The following ICE2 variants were observed in gnomAD, a reference collection of about 807,000 sequenced individuals.
The protein encoded by ICE2 is interactor of little elongation complex ELL subunit 2, also known as little elongation complex subunit 2.
In ICE2, 87 loss-of-function variants were observed where a neutral mutation model predicts 105.4. That is an observed-to-expected ratio of 0.83 (90% confidence interval 0.69 to 0.99). ICE2 has a LOEUF of 0.99. Ranked by LOEUF, ICE2 falls within the 50% of genes least tolerant of loss-of-function variation. The pLI, the probability that ICE2 is intolerant of heterozygous loss-of-function variation, is 0.00. For synonymous variants in ICE2, 399 were observed against 392.0 expected, an observed-to-expected ratio of 1.02 and a Z score of -0.21; for missense variants, 1,323 against 1,146.7, an observed-to-expected ratio of 1.15 and a Z score of -2.22.
intron 11 of ICE2, among the ~76,000 whole-genome samples, chr15:60,446,834 G>C (rs2063832861): frequency 6.6e-6 from 1 of 152,166 alleles, no homozygotes; most frequent in South Asian, 2.1e-4. Context: ...TTATTGGGCA[G>C]TGGGTTAGAT....
At chr15:60,424,640 C>T (rs1308398026) in intron 15 of ICE2, among the ~76,000 whole-genome samples, 1 of 152,152 alleles carries the variant, frequency 6.6e-6, no homozygotes, top group East Asian at 1.9e-4. Context: ...TCCTGAGCAG[C>T]TGGGATTACA....
intron 5 of ICE2, among the ~76,000 whole-genome samples, chr15:60,457,732 T>C (rs1222173754): frequency 6.6e-6 from 1 of 152,192 alleles, no homozygotes; most frequent in Non-Finnish European, 1.5e-5. Flanking sequence ...TCTTCATCTA[T>C]GCTTTTCATG....
Position 60,448,869 on chromosome 15 carries a change from C to T in ICE2, c.2098G>A (p.Ala700Thr), listed in dbSNP as rs1351382490. Residue 700 changes from alanine to threonine, a missense_variant, in exon 10 of 16, where the codon GCA becomes ACA. Ala to Thr is a moderately conservative substitution (Grantham distance 58). Transcript: ENST00000261520. ...SSWPKSGWPS[A>T]FQKPKGRLPY... ...TTACGTCCTTTTGGCTTCTGAAATG[C>T]AGAAGGCCATCCAGATTTCGGCCAA... 52 of 1,592,976 alleles carry T rather than the reference C, an allele frequency of 3.3e-5. No homozygotes were observed. The highest frequency in any genetic ancestry group is 4.3e-5 in the Non-Finnish European group (51 of 1,172,864).
At chr15:60,443,119 C>G (rs1405131169) in intron 11 of ICE2, 1 of 152,222 alleles carries the variant, frequency 6.6e-6, no homozygotes, top group Non-Finnish European at 1.5e-5. Flanking sequence ...CACGAAGTAT[C>G]TGACAAATTA....
intron 11 of ICE2, among the ~76,000 whole-genome samples, chr15:60,444,912 T>G (rs1298746140): frequency 6.6e-6 from 1 of 152,160 alleles, no homozygotes; most frequent in Non-Finnish European, 1.5e-5. Flanking sequence ...CTCGAACTCC[T>G]GAGCTCAGCT....
chr15:60,462,042 C>T (rs1567001024), intron 5 of ICE2, among the ~76,000 whole-genome samples: 1 of 151,676 alleles, frequency 6.6e-6, no homozygotes, highest in African/African-American at 2.4e-5. Context: ...AGAAAAGACA[C>T]CAACATTGGA....
intron 6 of ICE2, 53 bp from the exon 7 acceptor site, chr15:60,455,495 T>G (rs2064082767): frequency 8.8e-7 from 1 of 1,134,930 alleles, no homozygotes; most frequent in Non-Finnish European, 1.3e-6. Context: ...GTATTTTTTC[T>G]AAGAAAAGTA....
At chr15:60,469,596 C>T (rs1300630697) in intron 3 of ICE2, among the ~76,000 whole-genome samples, 2 of 152,194 alleles carry the variant, frequency 1.3e-5, no homozygotes, top group Non-Finnish European at 2.9e-5. Context: ...GGATTGGTGT[C>T]ACCTTTGTTA....
chr15:60,462,207 A>T (rs1168785205), intron 5 of ICE2, among the ~76,000 whole-genome samples: 1 of 152,234 alleles, frequency 6.6e-6, no homozygotes, highest in Admixed American at 6.5e-5. Flanking sequence ...TAAATGATGC[A>T]ATCAGAATAT....
chr15:60,431,945 CT>C lies in ICE2; in HGVS notation c.2549del (p.Lys850ArgfsTer3). 7.3e-7 allele frequency: 1 copy of C among 1,378,596 alleles called. No individual in the cohort carries two copies. Among genetic ancestry groups the C allele is most frequent in the Non-Finnish European group, 1.0e-6 (1 of 985,848 alleles). The allele number at this position is 1,378,596 out of a possible 1,614,324, so 85.4% of individuals were successfully genotyped here. ...NLFNILQHIL[K>X]KLSSLQEGSY... ...TAAAAAATACTTACCTACTTAGTTT[CT>C]TTAGAATGTGTTGGAGGATGTTAAA... is the stretch of plus-strand genomic sequence containing the variant. On this transcript the variant is annotated frameshift_variant, in exon 14 of 16. Coordinates refer to ENST00000261520, the MANE Select transcript of ICE2 (RefSeq NM_024611.6). LOFTEE classifies it high-confidence loss of function.
At position 60,419,644 on chromosome 15, in the gene ICE2, C is replaced by G. The variant is rs984413499; in HGVS notation, c.*3990G>C. 1 of 152,148 alleles carries G rather than the reference C, an allele frequency of 6.6e-6. No individual in the cohort carries two copies. Among genetic ancestry groups the G allele is most frequent in the African/African-American group, 2.4e-5 (1 of 41,422 alleles). 9.4% of individuals were successfully genotyped at this position (152,148 alleles called of 1,614,324 possible). ...AAATGGATCCCCTTTATTTCTACAT[C>G]TCAACAAGAAACTCAATAAATCTTA... is the stretch of plus-strand genomic sequence containing the variant. On this transcript the variant is annotated 3_prime_UTR_variant, in exon 16 of 16. Coordinates refer to ENST00000261520, the MANE Select transcript of ICE2 (RefSeq NM_024611.6).
intron 14 of ICE2, among the ~76,000 whole-genome samples, chr15:60,429,927 G>A (rs1472275651): frequency 6.6e-6 from 1 of 152,096 alleles, no homozygotes; most frequent in Non-Finnish European, 1.5e-5. Context: ...TTTAATTCAT[G>A]GAGAATGAGA....
At chr15:60,462,820 A>G (rs2064316678) in intron 5 of ICE2, among the ~76,000 whole-genome samples, 1 of 152,186 alleles carries the variant, frequency 6.6e-6, no homozygotes, top group African/African-American at 2.4e-5. Context: ...ATGTAAATTG[A>G]TATAACCTGG....
chr15:60,427,903 G>A (rs2063372360), intron 15 of ICE2, among the ~76,000 whole-genome samples: 1 of 152,164 alleles, frequency 6.6e-6, no homozygotes. Context: ...TAAATACTGA[G>A]TTACATAATA....
rs1353777271 is a variant in ICE2 at position 60,449,171 on chromosome 15, A to T, written c.1796T>A (p.Leu599Ter). The change falls in exon 10 of 16, where the codon TTA becomes TAA. Residue 599 changes from leucine (L) to a stop codon, truncating the protein, a stop_gained. Coordinates refer to ENST00000261520, the MANE Select transcript of ICE2 (RefSeq NM_024611.6). LOFTEE classifies it high-confidence loss of function. ...ATTTGGACTAGCTGGTCTGGAACTTAAGTTAGAACCCACAACAGCTGTCTT... is the reference window on the plus strand; with the variant it reads ...ATTTGGACTAGCTGGTCTGGAACTTTAGTTAGAACCCACAACAGCTGTCTT... ...DGKTAVVGSN[L>*]SSRPASPNSS... The T allele has an allele frequency of 6.2e-7, 1 of 1,614,000 alleles. No homozygotes were observed. Among genetic ancestry groups the T allele is most frequent in the Non-Finnish European group, 8.5e-7 (1 of 1,179,964 alleles).
In ICE2 at chr15:60,431,917, G is replaced by C; in HGVS notation, c.2561+17C>G. ...AAAATCAGATGTATCAAAGCAAAAT[G>C]CCTAAAAAATACTTACCTACTTAGT... is the stretch of plus-strand genomic sequence containing the variant. On this transcript the variant is annotated intron_variant, in intron 14 of 15. Coordinates refer to ENST00000261520, the MANE Select transcript of ICE2 (RefSeq NM_024611.6). The C allele has an allele frequency of 7.8e-7, 1 of 1,287,276 alleles. No individual in the cohort carries two copies. The allele number at this position is 1,287,276 out of a possible 1,614,324, so 79.7% of individuals were successfully genotyped here.
chr15:60,437,438 G>A (rs912776253), intron 12 of ICE2, among the ~76,000 whole-genome samples: 2 of 150,754 alleles, frequency 1.3e-5, no homozygotes, highest in African/African-American at 4.9e-5. Context: ...CAGTTCAAGC[G>A]ATCCTGCCTC....
In ICE2 at chr15:60,442,627, CT is replaced by C. The variant is rs937785632; in HGVS notation, c.2296-83del. ...TACATTTGCCTATACAGCTTTGCCA[CT>C]TTCAAAATGCTTTCAGGTAATCTTA... On this transcript the variant is annotated intron_variant, in intron 11 of 15. Coordinates refer to ENST00000261520, the MANE Select transcript of ICE2 (RefSeq NM_024611.6). 8.4e-5 allele frequency: 91 copies of C among 1,077,674 alleles called. No individual in the cohort carries two copies. The African/African-American group carries it at 1.4e-3, about 16-fold the overall frequency. 66.8% of individuals were successfully genotyped at this position (1,077,674 alleles called of 1,614,324 possible).
Position 60,478,102 on chromosome 15 carries a change from A to C in ICE2, c.-92-33T>G, listed in dbSNP as rs982354691. 8 of 845,292 alleles carry C rather than the reference A, an allele frequency of 9.5e-6. No individual in the cohort carries two copies. In the Admixed American group the frequency reaches 1.4e-4, roughly 15 times the overall value. The allele number at this position is 845,292 out of a possible 1,614,324, so 52.4% of individuals were successfully genotyped here. A position where few individuals can be genotyped will look rare whatever the true frequency, so the allele number is the denominator to read the frequency against. Reference sequence around the variant, plus strand: ...AAAACAAAAGGCCAAGATCAAAAGCAAGTGATTGGCTAGGCCAGGTGCTAT... The same window carrying C: ...AAAACAAAAGGCCAAGATCAAAAGCCAGTGATTGGCTAGGCCAGGTGCTAT... On this transcript the variant is annotated intron_variant, in intron 1 of 15. Coordinates refer to ENST00000261520, the MANE Select transcript of ICE2 (RefSeq NM_024611.6).
Sources: allele counts gnomAD v4.1 joint callset (sites outside exome capture counted in the v4.1 genomes callset), GRCh38; gene constraint gnomAD v4.1.1; transcripts MANE v1.5; gene names NCBI Gene and HGNC (gene_info 2026-07-23, HGNC 2026-07-21).